SPRED2: variants seen among roughly 807,000 people sequenced by gnomAD.
SPRED2 encodes the protein sprouty related EVH1 domain containing 2, also known as sprouty-related, EVH1 domain-containing protein 2.
A neutral mutation model predicts 43.0 loss-of-function variants in SPRED2; 47 were observed. The observed-to-expected ratio is 1.09, with a 90% confidence interval of 0.87 to 1.40. SPRED2 has a LOEUF of 1.40. Among genes scored for constraint, SPRED2 ranks in the 40% most tolerant of loss-of-function variants. The pLI, the probability that SPRED2 is intolerant of heterozygous loss-of-function variation, is 0.00. For missense variants in SPRED2, 561 were observed against 586.4 expected (o/e 0.96, Z 0.45); for synonymous variants, 225 against 225.7 (o/e 1.00, Z 0.03).
chr2:65,351,228 A>G (rs931082367), intron 1 of SPRED2, among the ~76,000 whole-genome samples: 1 of 152,112 alleles, frequency 6.6e-6, no homozygotes, highest in African/African-American at 2.4e-5. Flanking sequence ...AATTGTCAAG[A>G]GAAGTCAGGT....
chr2:65,388,088 G>A (rs540260141), intron 1 of SPRED2, among the ~76,000 whole-genome samples: 13 of 152,226 alleles, frequency 8.5e-5, no homozygotes, highest in South Asian at 2.1e-4. Flanking sequence ...CACGCCCAGC[G>A]GAGAACGAAT....
intron 1 of SPRED2, among the ~76,000 whole-genome samples, chr2:65,388,251 G>C (rs1675548325): frequency 6.6e-6 from 1 of 152,232 alleles, no homozygotes; most frequent in Non-Finnish European, 1.5e-5. Context: ...CAACCTGAGT[G>C]AATCCAGTGC....
chr2:65,365,795 T>C (rs2104328062), intron 1 of SPRED2, among the ~76,000 whole-genome samples: 1 of 152,314 alleles, frequency 6.6e-6, no homozygotes, highest in South Asian at 2.1e-4. Context: ...TAGGAATGTT[T>C]AATACACTCA....
chr2:65,368,044 T>C (rs565659827), intron 1 of SPRED2, among the ~76,000 whole-genome samples: 16 of 152,224 alleles, frequency 1.1e-4, no homozygotes, highest in African/African-American at 3.6e-4. Context: ...AAACTATCCA[T>C]ATTGATGCGC....
At chr2:65,411,448 A>G (rs1204888987) in intron 1 of SPRED2, among the ~76,000 whole-genome samples, 1 of 152,212 alleles carries the variant, frequency 6.6e-6, no homozygotes, top group African/African-American at 2.4e-5. Flanking sequence ...TGATGACATG[A>G]CAAATGGTAC....
At chr2:65,423,695 G>C (rs1252367507) in intron 1 of SPRED2, among the ~76,000 whole-genome samples, 1 of 152,008 alleles carries the variant, frequency 6.6e-6, no homozygotes, top group Non-Finnish European at 1.5e-5. Context: ...GGACAGACCT[G>C]GGGTAGATGG....
intron 1 of SPRED2, among the ~76,000 whole-genome samples, chr2:65,390,767 G>C (rs1045767991): frequency 1.3e-5 from 2 of 152,126 alleles, no homozygotes; most frequent in Non-Finnish European, 2.9e-5. Context: ...TCTAGAACAA[G>C]TCACGTTAAT....
At chr2:65,417,721 G>C (rs1676320852) in intron 1 of SPRED2, among the ~76,000 whole-genome samples, 3 of 152,174 alleles carry the variant, frequency 2.0e-5, no homozygotes. Flanking sequence ...TTGTGACCCT[G>C]AGTTAGTCAC....
chr2:65,329,566 T>C (rs566186033), intron 4 of SPRED2, among the ~76,000 whole-genome samples: 35 of 152,316 alleles, frequency 2.3e-4, no homozygotes, highest in African/African-American at 8.4e-4. Flanking sequence ...CATTTGGTGT[T>C]AGCCTAGAGT....
intron 1 of SPRED2, among the ~76,000 whole-genome samples, chr2:65,371,270 T>C (rs964416640): frequency 1.3e-5 from 2 of 152,208 alleles, no homozygotes; most frequent in Non-Finnish European, 2.9e-5. Flanking sequence ...AAGGAACTCC[T>C]GGGACTGGTC....
intron 1 of SPRED2, among the ~76,000 whole-genome samples, chr2:65,426,459 T>C (rs946643805): frequency 6.6e-6 from 1 of 152,168 alleles, no homozygotes; most frequent in Non-Finnish European, 1.5e-5. Context: ...ACTAGAAAAC[T>C]AGGCATTTGA....
intron 1 of SPRED2, among the ~76,000 whole-genome samples, chr2:65,422,104 A>ACACACTCTCT (rs1299857849): frequency 6.2e-5 from 8 of 129,032 alleles, no homozygotes; most frequent in Non-Finnish European, 1.3e-4. Context: ...ACACACACAC[A>ACACACTCTCT]CTCTCTCTCT....
chr2:65,431,284 C>A (rs1244460980), intron 1 of SPRED2, among the ~76,000 whole-genome samples: 1 of 151,550 alleles, frequency 6.6e-6, no homozygotes, highest in Non-Finnish European at 1.5e-5. Context: ...CCTCGGTCCG[C>A]CCCGAGCCGC....
intron 1 of SPRED2, among the ~76,000 whole-genome samples, chr2:65,409,881 T>C (rs1676114723): frequency 6.6e-6 from 1 of 151,244 alleles, no homozygotes; most frequent in Admixed American, 6.6e-5. Flanking sequence ...AATACAAAAA[T>C]TATCCAGGTG....
chr2:65,345,553 G>A (rs1171760845), intron 1 of SPRED2, among the ~76,000 whole-genome samples: 2 of 152,082 alleles, frequency 1.3e-5, no homozygotes, highest in Admixed American at 6.5e-5. Flanking sequence ...GAGCCACCAC[G>A]CCCAGACTAC....
intron 2 of SPRED2, among the ~76,000 whole-genome samples, chr2:65,341,104 C>T (rs368476416): frequency 7.3e-6 from 1 of 137,064 alleles, no homozygotes; most frequent in African/African-American, 2.8e-5. Context: ...TGGGTACGGG[C>T]GTGTGTGTGT....
intron 1 of SPRED2, among the ~76,000 whole-genome samples, chr2:65,363,000 GTTTTGTTTTTTTTTTTTT>G (rs1290045066): frequency 3.0e-5 from 2 of 66,982 alleles, no homozygotes; most frequent in African/African-American, 7.0e-5. Flanking sequence ...TGGTCATCAT[GTTTTGTTTTTTTTTTTTT>G]TTTTTTTTTT....
At chr2:65,341,102 G>A (rs993116181) in intron 2 of SPRED2, among the ~76,000 whole-genome samples, 1 of 55,208 alleles carries the variant, frequency 1.8e-5, no homozygotes, top group East Asian at 1.5e-3. Flanking sequence ...ACTGGGTACG[G>A]GCGTGTGTGT....
rs775641378 is a variant in SPRED2 at position 65,313,827 on chromosome 2, A to G, written c.931T>C (p.Tyr311His). The G allele has an allele frequency of 3.3e-5, 54 of 1,613,076 alleles. No homozygotes were observed. Among genetic ancestry groups the G allele is most frequent in the African/African-American group, 5.3e-5 (4 of 74,930 alleles). ...TCGTGGTTGAACATGTCCCTGCAGT[A>G]CACGCACCGCGAGCGCTCTCCGTCC... ...KEDGERSRCVYCRDMFNHEEN... is the reference protein window; with the variant it reads ...KEDGERSRCVHCRDMFNHEEN... The change falls in exon 6 of 6, where the codon TAC becomes CAC. Residue 311 changes from tyrosine (Y) to histidine (H), a missense_variant. Physicochemically the swap from Tyr to His is moderately conservative, Grantham distance 83 (BLOSUM62 2). This residue lies in a region of SPRED2 where 164 missense variants were observed against 164.1 expected (regional missense o/e 1.00). Coordinates refer to ENST00000356388, the MANE Select transcript of SPRED2 (RefSeq NM_181784.3).
Sources: allele counts gnomAD v4.1 joint callset (sites outside exome capture counted in the v4.1 genomes callset), GRCh38; gene constraint gnomAD v4.1.1; regional missense constraint gnomAD v4.1.1; transcripts MANE v1.5; gene names NCBI Gene and HGNC (gene_info 2026-07-23, HGNC 2026-07-21).